Variants in DNM3 observed in about 807,000 individuals in gnomAD.
DNM3 encodes the protein dynamin-3.
In DNM3, 47 loss-of-function variants were observed where a neutral mutation model predicts 101.6. The observed-to-expected ratio is 0.46, with a 90% CI of 0.37 to 0.59. DNM3 has a LOEUF of 0.59. Ranked by LOEUF, DNM3 falls within the 20% of genes least tolerant of loss-of-function variation. The pLI is 0.00. For missense variants in DNM3, 849 were observed against 1,085.7 expected, an observed-to-expected ratio of 0.78 and a Z score of 3.06; for synonymous variants, 385 against 387.9, an observed-to-expected ratio of 0.99 and a Z score of 0.09.
At chr1:171,911,654 C>T (rs942553358) in intron 1 of DNM3, among the ~76,000 whole-genome samples, 5 of 152,166 alleles carry the variant, frequency 3.3e-5, no homozygotes, top group African/African-American at 1.2e-4. Context: ...ACCCTATCCA[C>T]GCTCTTCTTT....
chr1:172,267,493 T>TA (rs1236635073), intron 15 of DNM3, among the ~76,000 whole-genome samples: 1 of 152,148 alleles, frequency 6.6e-6, no homozygotes, highest in Non-Finnish European at 1.5e-5. Flanking sequence ...ACCTCGGTAA[T>TA]ATACAGACTG....
At chr1:172,071,086 C>CATATATATATATATATATATATCT (rs2052132844) in intron 11 of DNM3, among the ~76,000 whole-genome samples, 1 of 65,086 alleles carries the variant, frequency 1.5e-5, no homozygotes, top group East Asian at 6.8e-4. Flanking sequence ...CAAGACCCTG[C>CATATATATATATATATATATATCT]ATATATATAT....
intron 1 of DNM3, among the ~76,000 whole-genome samples, chr1:171,842,411 T>G (rs1483945187): frequency 6.6e-6 from 1 of 152,230 alleles, no homozygotes; most frequent in Non-Finnish European, 1.5e-5. Context: ...CGTCGTTTGT[T>G]GTGGTGAAGC....
At chr1:171,879,012 A>T (rs1207574858) in intron 1 of DNM3, among the ~76,000 whole-genome samples, 2 of 152,192 alleles carry the variant, frequency 1.3e-5, no homozygotes. Context: ...GTCAGAGTGT[A>T]TGTAGTTATG....
At chr1:172,061,439 A>G (rs10910986) in intron 10 of DNM3, among the ~76,000 whole-genome samples, 112,335 of 148,064 alleles carry the variant, frequency 0.76, 43,133 homozygotes, top group East Asian at 0.85. Flanking sequence ...CAAAGACTTG[A>G]AACCAACCCA....
chr1:171,880,803 T>C (rs927905746), intron 1 of DNM3, among the ~76,000 whole-genome samples: 160 of 152,306 alleles, frequency 1.1e-3, no homozygotes, highest in African/African-American at 3.7e-3. Context: ...TTTAATCCCA[T>C]GAGCACATCA....
chr1:172,120,705 G>A (rs1253274734), intron 13 of DNM3, among the ~76,000 whole-genome samples: 2 of 152,100 alleles, frequency 1.3e-5, no homozygotes, highest in Admixed American at 6.6e-5. Flanking sequence ...TCTTATACCC[G>A]GTGCAGGTGA....
chr1:171,855,125 G>A (rs2033457625), intron 1 of DNM3, among the ~76,000 whole-genome samples: 1 of 152,124 alleles, frequency 6.6e-6, no homozygotes, highest in Admixed American at 6.5e-5. Flanking sequence ...GTGAGAACAG[G>A]CAACATTTGG....
intron 20 of DNM3, among the ~76,000 whole-genome samples, chr1:172,392,485 ATTCTC>A (rs1241682778): frequency 6.6e-6 from 1 of 152,176 alleles, no homozygotes; most frequent in African/African-American, 2.4e-5. Context: ...TAGGGTTCCT[ATTCTC>A]TTAATTGAAG....
chr1:172,072,859 C>G (rs985828828), intron 11 of DNM3, among the ~76,000 whole-genome samples: 3 of 152,110 alleles, frequency 2.0e-5, no homozygotes, highest in African/African-American at 7.2e-5. Context: ...TGCACTCCAG[C>G]CTGGGCAATA....
intron 2 of DNM3, among the ~76,000 whole-genome samples, chr1:171,936,350 C>CA (rs2041420308): frequency 1.1e-5 from 1 of 92,944 alleles, no homozygotes; most frequent in Non-Finnish European, 2.2e-5. Flanking sequence ...GACTCTGTCT[C>CA]AAAAAAAGAA....
chr1:171,924,887 C>G (rs1189059693), intron 2 of DNM3, among the ~76,000 whole-genome samples: 1 of 149,918 alleles, frequency 6.7e-6, no homozygotes, highest in African/African-American at 2.4e-5. Flanking sequence ...TGTTCCTGTC[C>G]TTTGCCCACT....
chr1:172,200,704 A>G (rs1228752039), intron 14 of DNM3, among the ~76,000 whole-genome samples: 3 of 152,106 alleles, frequency 2.0e-5, no homozygotes, highest in Non-Finnish European at 4.4e-5. Context: ...TGCAGTTAAT[A>G]CTTGTGACTG....
At chr1:171,937,628 G>T (rs2041528149) in intron 2 of DNM3, among the ~76,000 whole-genome samples, 1 of 152,112 alleles carries the variant, frequency 6.6e-6, no homozygotes, top group African/African-American at 2.4e-5. Flanking sequence ...GGAGTGGAGT[G>T]GTGCCATCAT....
chr1:171,987,124 T>C (rs985672471), intron 2 of DNM3, among the ~76,000 whole-genome samples: 3 of 152,164 alleles, frequency 2.0e-5, no homozygotes, highest in Non-Finnish European at 4.4e-5. Context: ...TGTCTTTGTA[T>C]AAGTTGATGT....
At chr1:172,000,599 G>T (rs569263893) in intron 4 of DNM3, among the ~76,000 whole-genome samples, 2 of 152,074 alleles carry the variant, frequency 1.3e-5, no homozygotes, top group Non-Finnish European at 2.9e-5. Context: ...TAAACAGAAA[G>T]AAAACAACCT....
chr1:171,921,175 T>C (rs976286780), intron 1 of DNM3, among the ~76,000 whole-genome samples: 1 of 151,548 alleles, frequency 6.6e-6, no homozygotes, highest in African/African-American at 2.4e-5. Flanking sequence ...CTTGAACTCC[T>C]GGACTCAAGC....
chr1:171,983,033 C>T (rs1164779008), intron 2 of DNM3, among the ~76,000 whole-genome samples: 1 of 152,126 alleles, frequency 6.6e-6, no homozygotes, highest in African/African-American at 2.4e-5. Flanking sequence ...TTCCCTTATC[C>T]TGGGTGTTAC....
intron 14 of DNM3, among the ~76,000 whole-genome samples, chr1:172,200,875 T>C (rs937668659): frequency 2.0e-5 from 3 of 152,188 alleles, no homozygotes; most frequent in Non-Finnish European, 4.4e-5. Context: ...CCTGTCCATA[T>C]TCTGAATTTT....
Sources: allele counts gnomAD v4.1 joint callset (sites outside exome capture counted in the v4.1 genomes callset), GRCh38; gene constraint gnomAD v4.1.1; transcripts MANE v1.5; gene names NCBI Gene and HGNC (gene_info 2026-07-23, HGNC 2026-07-21).